SLC36A1: variants seen among roughly 807,000 people sequenced by gnomAD.
SLC36A1 encodes proton-coupled amino acid transporter 1.
Under a neutral mutation model 47.5 loss-of-function variants are expected in SLC36A1, and 30 were observed. That is an observed-to-expected ratio of 0.63 (90% CI 0.47 to 0.86). The LOEUF (loss-of-function observed/expected upper bound fraction) is 0.86, where lower values mean the gene tolerates loss of function less well. SLC36A1 is among the 40% of genes least tolerant of loss of function. The probability of loss-of-function intolerance (pLI) is 0.00; values close to 1 mark genes in which losing one functional copy is unlikely to be tolerated. For missense variants in SLC36A1, 517 were observed against 606.0 expected, an observed-to-expected ratio of 0.85 and a Z score of 1.54; for synonymous variants, 255 against 249.7, an observed-to-expected ratio of 1.02 and a Z score of -0.20.
the SLC36A1 span, among the ~76,000 whole-genome samples, chr5:151,503,214 A>T: frequency 6.8e-6 from 1 of 147,968 alleles, no homozygotes; most frequent in Non-Finnish European, 1.5e-5. Context: ...ACCCTAATGT[A>T]AACTATGGAC....
the SLC36A1 span, among the ~76,000 whole-genome samples, chr5:151,527,788 G>A: frequency 6.6e-6 from 1 of 152,142 alleles, no homozygotes; most frequent in African/African-American, 2.4e-5. Context: ...AGGTCCTCTA[G>A]GGAAGGTTAC....
At chr5:151,417,130 G>A in the SLC36A1 span, among the ~76,000 whole-genome samples, 134 of 152,274 alleles carry the variant, frequency 8.8e-4, no homozygotes, top group African/African-American at 3.1e-3. Flanking sequence ...GTGTGAAAAC[G>A]AACTAATACA....
the SLC36A1 span, among the ~76,000 whole-genome samples, chr5:151,428,222 T>C: frequency 2.0e-5 from 3 of 152,214 alleles, no homozygotes; most frequent in African/African-American, 7.2e-5. Flanking sequence ...CCTCAAGTAG[T>C]ATGTTTTCTA....
chr5:151,481,434 G>T (rs1157867630), intron 10 of SLC36A1, among the ~76,000 whole-genome samples: 1 of 152,156 alleles, frequency 6.6e-6, no homozygotes, highest in East Asian at 1.9e-4. Context: ...CGTTCATTTT[G>T]TTCTTGCTTC....
the SLC36A1 span, among the ~76,000 whole-genome samples, chr5:151,400,654 C>A: frequency 6.6e-6 from 1 of 152,118 alleles, no homozygotes; most frequent in South Asian, 2.1e-4. Flanking sequence ...TTCTCCACAG[C>A]CTTGCCAATA....
the SLC36A1 span, chr5:151,507,566 G>T: frequency 6.2e-7 from 1 of 1,613,882 alleles, no homozygotes. Context: ...TCTCGGGAGT[G>T]ACTAGGCAGT....
At chr5:151,434,325 G>A (rs1484362222), upstream of SLC36A1, among the ~76,000 whole-genome samples, 1 of 152,186 alleles carries the variant, frequency 6.6e-6, no homozygotes, top group Non-Finnish European at 1.5e-5. Context: ...GAGTAATCAG[G>A]TGAAATGGAA....
chr5:151,498,090 G>T, the SLC36A1 span, among the ~76,000 whole-genome samples: 1 of 151,944 alleles, frequency 6.6e-6, no homozygotes, highest in African/African-American at 2.4e-5. Context: ...GATTACAGGC[G>T]CCTGCCACCA....
chr5:151,543,695 TG>T, the SLC36A1 span: 4 of 1,614,106 alleles, frequency 2.5e-6, no homozygotes, highest in African/African-American at 1.3e-5. Flanking sequence ...AACTCTGGGC[TG>T]TACTTGTTGG....
the SLC36A1 span, among the ~76,000 whole-genome samples, chr5:151,398,163 C>G: frequency 1.3e-5 from 2 of 152,160 alleles, no homozygotes. Flanking sequence ...ACTGACGCAG[C>G]AACCATTGCC....
rs569154417 is a variant in SLC36A1, at chr5:151,467,840, A to G, written c.638A>G (p.Asn213Ser). ...PFLVLLVFIR[N>S]LRALSIFSLL... ...CTGGTGCTGCTGGTTTTCATCAGGA[A>G]CCTCCGAGCCCTGTCCATCTTCTCC... The change falls in exon 7 of 11, where the codon AAC (asparagine) becomes AGC (serine). Residue 213 changes from asparagine (N) to serine (S), a missense_variant. Asn to Ser is a conservative substitution (Grantham distance 46). Coordinates refer to ENST00000243389, the MANE Select transcript of SLC36A1 (RefSeq NM_078483.4). 1 of 1,611,720 alleles carries G rather than the reference A, an allele frequency of 6.2e-7. No homozygotes were observed. Among genetic ancestry groups the G allele is most frequent in the African/African-American group, 1.4e-5 (1 of 74,062 alleles).
At chr5:151,547,823 A>G in the SLC36A1 span, among the ~76,000 whole-genome samples, 1 of 152,230 alleles carries the variant, frequency 6.6e-6, no homozygotes, top group Non-Finnish European at 1.5e-5. Context: ...AAAAATATGC[A>G]TAGGGGAAGA....
the SLC36A1 span, among the ~76,000 whole-genome samples, chr5:151,429,468 C>T: frequency 1.3e-5 from 2 of 150,156 alleles, no homozygotes; most frequent in Non-Finnish European, 3.0e-5. Context: ...TTTGTCCTTG[C>T]GATAGTTTGC....
the SLC36A1 span, among the ~76,000 whole-genome samples, chr5:151,535,405 G>T: frequency 6.6e-6 from 1 of 152,022 alleles, no homozygotes; most frequent in Non-Finnish European, 1.5e-5. Flanking sequence ...ATACCCTGGG[G>T]GAAATAATGC....
At chr5:151,396,164 A>G in the SLC36A1 span, among the ~76,000 whole-genome samples, 2 of 149,120 alleles carry the variant, frequency 1.3e-5, no homozygotes, top group African/African-American at 2.5e-5. Context: ...ACATATATAT[A>G]TATTTTGGCA....
upstream of SLC36A1, among the ~76,000 whole-genome samples, chr5:151,444,478 A>T (rs1436611289): frequency 6.6e-6 from 1 of 152,148 alleles, no homozygotes; most frequent in East Asian, 1.9e-4. Flanking sequence ...ATTTGTGTAT[A>T]AAAATATTAT....
At chr5:151,555,367 CTTTTTTTTTTTTT>C in the SLC36A1 span, among the ~76,000 whole-genome samples, 1 of 123,110 alleles carries the variant, frequency 8.1e-6, no homozygotes, top group African/African-American at 3.1e-5. Flanking sequence ...TAATATATTT[CTTTTTTTTTTTTT>C]TTTTTTTTGA....
chr5:151,402,327 A>C, the SLC36A1 span, among the ~76,000 whole-genome samples: 1 of 152,206 alleles, frequency 6.6e-6, no homozygotes, highest in Non-Finnish European at 1.5e-5. Flanking sequence ...CCAACCTTGC[A>C]TCCCAGGAAT....
chr5:151,418,762 G>A, the SLC36A1 span, among the ~76,000 whole-genome samples: 2 of 152,186 alleles, frequency 1.3e-5, no homozygotes, highest in South Asian at 2.1e-4. Context: ...GACTTTGGGA[G>A]ACTCTAGGGA....
Sources: allele counts gnomAD v4.1 joint callset (sites outside exome capture counted in the v4.1 genomes callset), GRCh38; gene constraint gnomAD v4.1.1; transcripts MANE v1.5; gene names NCBI Gene and HGNC (gene_info 2026-07-23, HGNC 2026-07-21).